FGGY: variants seen among roughly 807,000 people sequenced by gnomAD.
FGGY encodes the protein FGGY carbohydrate kinase domain containing.
In FGGY, 72 loss-of-function variants were observed where a neutral mutation model predicts 71.3. The ratio of observed to expected loss-of-function variants is 1.01; its 90% CI spans 0.84 to 1.23. The LOEUF (loss-of-function observed/expected upper bound fraction) is 1.23. FGGY is among the 50% of genes most tolerant of loss of function. The probability of loss-of-function intolerance (pLI) is 0.00; values close to 1 mark genes in which losing one functional copy is unlikely to be tolerated. For synonymous variants in FGGY, 251 were observed against 250.3 expected, an observed-to-expected ratio of 1.00 and a Z score of -0.02; for missense variants, 668 against 682.3, an observed-to-expected ratio of 0.98 and a Z score of 0.23.
intron 4 of FGGY, among the ~76,000 whole-genome samples, chr1:59,372,691 C>T (rs2057897048): frequency 6.6e-6 from 1 of 152,170 alleles, no homozygotes; most frequent in African/African-American, 2.4e-5. Context: ...TCCAGCACCA[C>T]ATCAAAAAGC....
At chr1:59,620,546 T>G (rs1432432055) in intron 9 of FGGY, among the ~76,000 whole-genome samples, 3 of 152,086 alleles carry the variant, frequency 2.0e-5, no homozygotes, top group Non-Finnish European at 2.9e-5. Context: ...ACATCTTTCA[T>G]TTTGTTTTTT....
chr1:59,403,951 A>C (rs919689176), intron 5 of FGGY, among the ~76,000 whole-genome samples: 2 of 152,190 alleles, frequency 1.3e-5, no homozygotes, highest in South Asian at 2.1e-4. Flanking sequence ...ATCGTAAAGC[A>C]CTTCAAACAG....
At chr1:59,523,301 A>C (rs1020522288) in intron 7 of FGGY, among the ~76,000 whole-genome samples, 1 of 152,214 alleles carries the variant, frequency 6.6e-6, no homozygotes, top group South Asian at 2.1e-4. Context: ...TCACATCCAT[A>C]TACTGTTTCT....
intron 5 of FGGY, among the ~76,000 whole-genome samples, chr1:59,394,716 A>G (rs770746964): frequency 2.6e-5 from 4 of 152,198 alleles, no homozygotes; most frequent in Non-Finnish European, 5.9e-5. Flanking sequence ...TCAGATTTGC[A>G]TTGAAAAACC....
chr1:59,575,769 A>C (rs1558404374), intron 8 of FGGY, among the ~76,000 whole-genome samples: 1 of 152,188 alleles, frequency 6.6e-6, no homozygotes, highest in Non-Finnish European at 1.5e-5. Context: ...TATTTTTTTA[A>C]AATGTGCATG....
intron 5 of FGGY, among the ~76,000 whole-genome samples, chr1:59,382,370 C>T (rs2059571705): frequency 6.6e-6 from 1 of 152,160 alleles, no homozygotes; most frequent in African/African-American, 2.4e-5. Context: ...CCCGAACCTC[C>T]TTGCGGTGAA....
chr1:59,392,664 A>T (rs1187052813), intron 5 of FGGY, among the ~76,000 whole-genome samples: 2 of 152,042 alleles, frequency 1.3e-5, no homozygotes, highest in Non-Finnish European at 2.9e-5. Context: ...AAAATGCTGT[A>T]CCCTTTCCTT....
intron 14 of FGGY, among the ~76,000 whole-genome samples, chr1:59,678,210 G>C (rs758588457): frequency 1.3e-5 from 2 of 152,178 alleles, no homozygotes; most frequent in African/African-American, 2.4e-5. Flanking sequence ...TATTGAATAA[G>C]TGGGAGGGGA....
chr1:59,617,227 A>G (rs2096764672), intron 9 of FGGY, among the ~76,000 whole-genome samples: 1 of 152,126 alleles, frequency 6.6e-6, no homozygotes, highest in African/African-American at 2.4e-5. Flanking sequence ...GAAGTGAGAA[A>G]ACAGAGAAAA....
intron 4 of FGGY, among the ~76,000 whole-genome samples, chr1:59,355,395 G>A (rs2054118275): frequency 6.6e-6 from 1 of 152,128 alleles, no homozygotes; most frequent in Non-Finnish European, 1.5e-5. Flanking sequence ...ATACACACAA[G>A]AAAACATTAA....
At position 59,582,718 on chromosome 1, in the gene FGGY, G is replaced by A. The variant is rs1323418946; in HGVS notation, c.904-25085G>A. ...GCGTATCCTTCTGTGTTTGTTGTTA[G>A]TTAACTGGCTTATGTCTTCCTTGCT... On this transcript the variant is annotated intron_variant, in intron 8 of 15. Transcript: ENST00000303721. 2.7e-5 allele frequency among the ~76,000 whole-genome samples: 4 copies of A among 150,120 alleles called. 1 individual carries two copies. Among genetic ancestry groups the A allele is most frequent in the African/African-American group, 1.0e-4 (4 of 39,748 alleles).
chr1:59,506,887 C>T (rs1356070983), intron 6 of FGGY, among the ~76,000 whole-genome samples: 2 of 152,026 alleles, frequency 1.3e-5, no homozygotes, highest in Non-Finnish European at 1.5e-5. Flanking sequence ...CTCATAATTC[C>T]TCCACCCAGA....
At chr1:59,398,382 G>T (rs1368210601) in intron 5 of FGGY, among the ~76,000 whole-genome samples, 4 of 152,138 alleles carry the variant, frequency 2.6e-5, no homozygotes, top group Non-Finnish European at 5.9e-5. Context: ...GGGACTACAG[G>T]TGCACGCCAC....
Position 59,576,766 on chromosome 1 carries a change from C to A in FGGY, c.903+22539C>A, listed in dbSNP as rs148012368. Reference sequence around the variant, plus strand: ...CTTCCAAAGCATTCAGGGCAAATAGCAGCCCATGTTTTAATAACCCTAAGA... The same window carrying A: ...CTTCCAAAGCATTCAGGGCAAATAGAAGCCCATGTTTTAATAACCCTAAGA... On this transcript the variant is annotated intron_variant, in intron 8 of 15. Transcript: ENST00000303721. Among the ~76,000 whole-genome samples, 204 of 151,746 alleles carry A rather than the reference C, an allele frequency of 1.3e-3. 2 individuals carry two copies. Among genetic ancestry groups the A allele is most frequent in the African/African-American group, 4.8e-3 (197 of 41,364 alleles).
chr1:59,541,109 A>G (rs1048108932), intron 7 of FGGY, among the ~76,000 whole-genome samples: 1 of 152,120 alleles, frequency 6.6e-6, no homozygotes, highest in Admixed American at 6.5e-5. Flanking sequence ...TCCTCAAACA[A>G]TGTATTAGAT....
chr1:59,635,334 C>T (rs1001766439), intron 10 of FGGY, among the ~76,000 whole-genome samples: 1 of 152,066 alleles, frequency 6.6e-6, no homozygotes, highest in Non-Finnish European at 1.5e-5. Context: ...TAAGCATATG[C>T]CCCATCCCTC....
At chr1:59,571,035 T>C (rs1447253074) in intron 8 of FGGY, among the ~76,000 whole-genome samples, 1 of 152,212 alleles carries the variant, frequency 6.6e-6, no homozygotes, top group Admixed American at 6.5e-5. Context: ...GCACTTGTCA[T>C]GGACAGCCGT....
chr1:59,604,852 C>T (rs116196879), intron 8 of FGGY, among the ~76,000 whole-genome samples: 351 of 152,216 alleles, frequency 2.3e-3, no homozygotes, highest in African/African-American at 8.0e-3. Context: ...CTGTGCAAAC[C>T]CTGGGTCCTA....
At chr1:59,545,859 G>T (rs971202410) in intron 7 of FGGY, among the ~76,000 whole-genome samples, 2 of 152,206 alleles carry the variant, frequency 1.3e-5, no homozygotes, top group African/African-American at 4.8e-5. Context: ...GGCTTTTCAT[G>T]AAATAAGCAG....
Sources: gnomAD v4.1 joint callset for allele counts (sites outside exome capture counted in the v4.1 genomes callset) on GRCh38, gnomAD v4.1.1 for gene constraint, MANE v1.5 for transcripts, NCBI Gene and HGNC (gene_info 2026-07-23, HGNC 2026-07-21) for gene names.